PRTG: variants seen among roughly 807,000 people sequenced by gnomAD.
PRTG encodes immunoglobulin superfamily, DCC subclass, member 5.
PRTG carries 67 observed loss-of-function variants against 122.5 expected under a neutral mutation model. The ratio of observed to expected loss-of-function variants is 0.55; its 90% CI spans 0.45 to 0.67. PRTG has a LOEUF of 0.67. Among genes scored for constraint, PRTG ranks in the 30% least tolerant of loss-of-function variants. The pLI is 0.00. For missense variants in PRTG, 1,435 were observed against 1,415.4 expected, an observed-to-expected ratio of 1.01 and a Z score of -0.22; for synonymous variants, 554 against 501.1, an observed-to-expected ratio of 1.11 and a Z score of -1.41.
intron 2 of PRTG, among the ~76,000 whole-genome samples, chr15:55,701,346 C>G (rs1447789718): frequency 6.6e-6 from 1 of 152,132 alleles, no homozygotes; most frequent in Non-Finnish European, 1.5e-5. Flanking sequence ...ACCAGCCAGG[C>G]CAAGATGGTA....
rs1261858331 is a variant in PRTG at position 55,618,716 on chromosome 15, A to G, written c.*1296T>C. On this transcript the variant is annotated 3_prime_UTR_variant, in exon 20 of 20. Transcript: ENST00000389286. Reference sequence around the variant, plus strand: ...GGTAGAACTCTGAATATTTATCCCTAAACAAAACCTGCACTTAAAAAAAAT... The same window carrying G: ...GGTAGAACTCTGAATATTTATCCCTGAACAAAACCTGCACTTAAAAAAAAT... 1 of 152,178 alleles carries G rather than the reference A, an allele frequency of 6.6e-6. No homozygotes were observed. Among genetic ancestry groups the G allele is most frequent in the African/African-American group, 2.4e-5 (1 of 41,428 alleles). The allele number at this position is 152,178 out of a possible 1,614,324, so 9.4% of individuals were successfully genotyped here.
chr15:55,716,627 G>C (rs2141861818), intron 2 of PRTG, among the ~76,000 whole-genome samples: 1 of 152,154 alleles, frequency 6.6e-6, no homozygotes, highest in Non-Finnish European at 1.5e-5. Flanking sequence ...TAAATCACCA[G>C]ACCATTAGGA....
At chr15:55,698,600 A>G (rs1054703410) in intron 2 of PRTG, among the ~76,000 whole-genome samples, 3 of 152,038 alleles carry the variant, frequency 2.0e-5, no homozygotes, top group African/African-American at 7.2e-5. Flanking sequence ...CCCATTCATT[A>G]CTTCTTCTGG....
chr15:55,716,279 TG>T (rs1321421407), intron 2 of PRTG, among the ~76,000 whole-genome samples: 2 of 152,172 alleles, frequency 1.3e-5, no homozygotes, highest in Non-Finnish European at 2.9e-5. Context: ...AACAATCAAC[TG>T]GTTCTCTAAA....
At chr15:55,630,309 G>C (rs1020101678) in intron 15 of PRTG, among the ~76,000 whole-genome samples, 1 of 152,068 alleles carries the variant, frequency 6.6e-6, no homozygotes, top group Non-Finnish European at 1.5e-5. Context: ...TTTTAATAGA[G>C]ATGGGATTTC....
intron 3 of PRTG, among the ~76,000 whole-genome samples, chr15:55,683,466 G>T (rs2141818210): frequency 6.6e-6 from 1 of 152,250 alleles, no homozygotes; most frequent in South Asian, 2.1e-4. Flanking sequence ...CACCAACACT[G>T]CCCTTCCCAG....
rs59773365 is a variant in PRTG at position 55,612,697 on chromosome 15, A to AATATATATATATATAT, written c.*7299_*7314dup. The AATATATATATATATAT allele has an allele frequency of 8.3e-6, 1 of 120,748 alleles. No homozygotes were observed. The highest frequency in any genetic ancestry group is 4.7e-5 in the African/African-American group (1 of 21,352). 7.5% of individuals were successfully genotyped at this position (120,748 alleles called of 1,614,324 possible). On this transcript the variant is annotated 3_prime_UTR_variant, in exon 20 of 20. Coordinates refer to ENST00000389286, the MANE Select transcript of PRTG (RefSeq NM_173814.6). The stretch of plus-strand genomic sequence containing the variant: ...TTCTCTCTTTAACTCTTTAAAAGCC[A>AATATATATATATATAT]ATATATATATATATATATATATATA...
intron 11 of PRTG, among the ~76,000 whole-genome samples, chr15:55,659,729 G>A (rs186925166): frequency 3.9e-5 from 6 of 152,222 alleles, no homozygotes; most frequent in Admixed American, 2.6e-4. Context: ...AGACCAGCCT[G>A]GGCAACACGG....
intron 8 of PRTG, among the ~76,000 whole-genome samples, chr15:55,676,403 G>C (rs1325034962): frequency 6.6e-6 from 1 of 152,026 alleles, no homozygotes. Context: ...CAAGAGCATT[G>C]GCAGCCACTG....
chr15:55,661,013 T>C (rs996925335), intron 11 of PRTG, among the ~76,000 whole-genome samples: 13 of 152,240 alleles, frequency 8.5e-5, no homozygotes, highest in African/African-American at 1.4e-4. Context: ...GTGTTTTTTA[T>C]GTTTTAAATC....
chr15:55,740,500 TAA>T lies in PRTG; in HGVS notation c.277_278del (p.Leu93IlefsTer4). ...GCCTGCCTTCCACCTCACTGATGTA[TAA>T]AGAGCCGTTAGAAAGAACCTCGATC... ...KRIEVLSNGS[L>X]YISEVEGRRG... On this transcript the variant is annotated frameshift_variant, in exon 2 of 20. Coordinates refer to ENST00000389286, the MANE Select transcript of PRTG (RefSeq NM_173814.6). LOFTEE classifies it high-confidence loss of function. 1 of 1,614,200 alleles carries T rather than the reference TAA, an allele frequency of 6.2e-7. No individual in the cohort carries two copies. The highest frequency in any genetic ancestry group is 8.5e-7 in the Non-Finnish European group (1 of 1,180,020).
chr15:55,622,121 C>T (rs1038707400), intron 18 of PRTG, among the ~76,000 whole-genome samples: 1 of 151,990 alleles, frequency 6.6e-6, no homozygotes, highest in Non-Finnish European at 1.5e-5. Context: ...TCTTTTTTTC[C>T]CTACATCATC....
At chr15:55,704,578 C>T (rs2141844909) in intron 2 of PRTG, among the ~76,000 whole-genome samples, 1 of 152,236 alleles carries the variant, frequency 6.6e-6, no homozygotes. Flanking sequence ...CCTTGGTTCT[C>T]CTTTCTCTTC....
chr15:55,710,567 G>A lies in PRTG; in HGVS notation c.398-26636C>T, dbSNP rs942151894. Among the ~76,000 whole-genome samples the A allele has an allele frequency of 2.0e-5, 3 of 152,288 alleles. No homozygotes were observed. In the East Asian group the frequency reaches 5.8e-4, roughly 29 times the overall value. On this transcript the variant is annotated intron_variant, in intron 2 of 19. Coordinates refer to ENST00000389286, the MANE Select transcript of PRTG (RefSeq NM_173814.6). The stretch of plus-strand genomic sequence containing the variant: ...GCCTCATTTTCTGAAATTTTAGGCT[G>A]TGAGTACATTATAATATCCCAGAAT...
Position 55,678,120 on chromosome 15 carries a change from T to G in PRTG, c.1134-76A>C, listed in dbSNP as rs2059514041. ...AAAATAAAGTTTAGCTATTGCTAAA[T>G]ATACTCTCATTTTATTTTATTTTAA... On this transcript the variant is annotated intron_variant, in intron 7 of 19. Transcript: ENST00000389286. The G allele has an allele frequency of 3.6e-5, 29 of 803,026 alleles. No homozygotes were observed. In the South Asian group the frequency reaches 5.1e-4, roughly 14 times the overall value. 49.7% of individuals were successfully genotyped at this position (803,026 alleles called of 1,614,324 possible).
At chr15:55,686,435 C>A (rs573234554) in intron 2 of PRTG, among the ~76,000 whole-genome samples, 1 of 152,094 alleles carries the variant, frequency 6.6e-6, no homozygotes. Flanking sequence ...GAAGCTCCCC[C>A]AGCCTGTCCA....
intron 2 of PRTG, among the ~76,000 whole-genome samples, chr15:55,698,404 T>C (rs1183240231): frequency 2.0e-5 from 3 of 152,198 alleles, no homozygotes; most frequent in African/African-American, 7.2e-5. Flanking sequence ...AATCCTCCCA[T>C]CTTAGCCTTC....
intron 2 of PRTG, among the ~76,000 whole-genome samples, chr15:55,687,324 C>T (rs1006493028): frequency 2.0e-5 from 3 of 152,038 alleles, no homozygotes; most frequent in African/African-American, 7.2e-5. Flanking sequence ...CCCTCCCATA[C>T]CAAAGGATTT....
rs200495272 is a variant in PRTG at position 55,683,905 on chromosome 15, T to C, written c.424A>G (p.Ile142Val). 404 of 1,613,430 alleles carry C rather than the reference T, an allele frequency of 2.5e-4. No homozygotes were observed. The highest frequency in any genetic ancestry group is 3.3e-4 in the Non-Finnish European group (387 of 1,179,782). The change falls in exon 3 of 20, where the codon ATT (isoleucine) becomes GTT (valine). Residue 142 changes from isoleucine (I) to valine (V), a missense_variant. Physicochemically the swap from Ile to Val is conservative, Grantham distance 29 (BLOSUM62 3). Transcript: ENST00000389286. The part of the protein sequence containing the change: ...STISAFEVQP[I>V]STEVHEGGVA... The stretch of plus-strand genomic sequence containing the variant: ...CCACCTTCGTGGACCTCAGTGGAAA[T>C]TGGCTGGACTTCAAATGCAGAAATA...
Sources: allele counts gnomAD v4.1 joint callset (sites outside exome capture counted in the v4.1 genomes callset), GRCh38; gene constraint gnomAD v4.1.1; transcripts MANE v1.5; gene names NCBI Gene and HGNC (gene_info 2026-07-23, HGNC 2026-07-21).